The following PRELID2 variants were observed in gnomAD, a reference collection of about 807,000 sequenced individuals.
PRELID2 encodes the protein PRELI domain-containing protein 2.
PRELID2 carries 25 observed loss-of-function variants against 28.4 expected under a neutral mutation model. The ratio of observed to expected loss-of-function variants is 0.88; its 90% CI spans 0.64 to 1.23. PRELID2 has a LOEUF of 1.23. Ranked by LOEUF, PRELID2 falls within the 50% of genes most tolerant of loss-of-function variation. The pLI is 0.00. For missense variants in PRELID2, 201 were observed against 214.4 expected (o/e 0.94, Z 0.39); for synonymous variants, 76 against 71.6 (o/e 1.06, Z -0.31).
intron 1 of PRELID2, among the ~76,000 whole-genome samples, chr5:145,724,602 T>C (rs1756082305): frequency 3.6e-5 from 1 of 27,810 alleles, no homozygotes; most frequent in Non-Finnish European, 5.7e-5. Context: ...AGTAAATAAA[T>C]ATATATATAT....
intron 1 of PRELID2, among the ~76,000 whole-genome samples, chr5:145,740,415 G>C (rs1368749601): frequency 7.2e-6 from 1 of 138,188 alleles, no homozygotes; most frequent in Non-Finnish European, 1.6e-5. Context: ...ATCATTATAG[G>C]TGGTGACTAC....
chr5:145,675,959 G>T (rs918478230), intron 1 of PRELID2, among the ~76,000 whole-genome samples: 2 of 152,184 alleles, frequency 1.3e-5, no homozygotes, highest in African/African-American at 4.8e-5. Context: ...AGTGGCTCAC[G>T]CCTGTAATCC....
At chr5:145,639,409 T>C (rs1030325797) in intron 1 of PRELID2, among the ~76,000 whole-genome samples, 2 of 152,192 alleles carry the variant, frequency 1.3e-5, no homozygotes, top group East Asian at 3.8e-4. Context: ...GTAGAATGCA[T>C]TGTTTTTGCC....
chr5:145,418,975 T>A, the PRELID2 span, among the ~76,000 whole-genome samples: 2 of 149,884 alleles, frequency 1.3e-5, no homozygotes, highest in African/African-American at 5.0e-5. Context: ...TGAGAATATG[T>A]GGTGTTTGGT....
intron 1 of PRELID2, among the ~76,000 whole-genome samples, chr5:145,520,691 G>A (rs1752556477): frequency 2.0e-5 from 3 of 152,032 alleles, no homozygotes; most frequent in Non-Finnish European, 2.9e-5. Context: ...TCCTATAAAT[G>A]TGTCGTAATT....
chr5:145,241,672 A>G, the PRELID2 span, among the ~76,000 whole-genome samples: 6 of 152,062 alleles, frequency 3.9e-5, no homozygotes, highest in Non-Finnish European at 5.9e-5. Flanking sequence ...TGGGTCATTT[A>G]TCTATCTAGA....
At chr5:145,503,174 C>T (rs540767206) in intron 1 of PRELID2, among the ~76,000 whole-genome samples, 2 of 152,226 alleles carry the variant, frequency 1.3e-5, no homozygotes, top group Admixed American at 1.3e-4. Context: ...CTCCCATCCC[C>T]TAGGGTCTGA....
intron 1 of PRELID2, among the ~76,000 whole-genome samples, chr5:145,507,346 GA>G (rs960680154): frequency 4.6e-5 from 7 of 152,192 alleles, no homozygotes; most frequent in South Asian, 2.1e-4. Flanking sequence ...AAATGGGGGG[GA>G]AAAACTGCAG....
At chr5:145,774,319 T>G (rs1378921559) in intron 5 of PRELID2, among the ~76,000 whole-genome samples, 3 of 152,202 alleles carry the variant, frequency 2.0e-5, no homozygotes, top group Admixed American at 2.0e-4. Flanking sequence ...TTTCTCCACC[T>G]CATTCCACAA....
At chr5:145,551,947 T>C (rs371151070) in intron 1 of PRELID2, among the ~76,000 whole-genome samples, 37 of 151,990 alleles carry the variant, frequency 2.4e-4, no homozygotes, top group African/African-American at 8.5e-4. Flanking sequence ...AACCTCATTC[T>C]CCTCCCGCCT....
chr5:145,756,039 G>T (rs1757247770), downstream of PRELID2, among the ~76,000 whole-genome samples: 1 of 152,156 alleles, frequency 6.6e-6, no homozygotes, highest in Non-Finnish European at 1.5e-5. Flanking sequence ...TCACCCTTTG[G>T]AAACACCTGG....
At chr5:145,657,541 C>T (rs545332675) in intron 1 of PRELID2, among the ~76,000 whole-genome samples, 5 of 152,152 alleles carry the variant, frequency 3.3e-5, no homozygotes, top group South Asian at 2.1e-4. Flanking sequence ...AAAAATTAGC[C>T]GGGCGTGGTG....
chr5:145,709,117 T>A (rs1755622220), intron 1 of PRELID2, among the ~76,000 whole-genome samples: 3 of 152,180 alleles, frequency 2.0e-5, no homozygotes, highest in South Asian at 2.1e-4. Context: ...GGGCAAGACC[T>A]ACAGTTGCTA....
the PRELID2 span, among the ~76,000 whole-genome samples, chr5:145,391,577 C>T: frequency 3.3e-5 from 5 of 152,136 alleles, no homozygotes; most frequent in African/African-American, 9.7e-5. Context: ...AGGTCTCTGA[C>T]ATGCCCTGGA....
At chr5:145,468,121 G>T (rs1265526711), downstream of PRELID2, among the ~76,000 whole-genome samples, 2 of 152,048 alleles carry the variant, frequency 1.3e-5, no homozygotes, top group African/African-American at 4.8e-5. Flanking sequence ...CTGTGTCCAA[G>T]TGTTCTCATT....
intron 1 of PRELID2, among the ~76,000 whole-genome samples, chr5:145,583,740 G>A (rs1394163419): frequency 6.6e-6 from 1 of 152,092 alleles, no homozygotes; most frequent in Non-Finnish European, 1.5e-5. Context: ...CAAGAGAAAT[G>A]AAGGATCTCT....
intron 1 of PRELID2, among the ~76,000 whole-genome samples, chr5:145,574,905 A>T (rs750163381): frequency 1.3e-5 from 2 of 152,248 alleles, no homozygotes; most frequent in Non-Finnish European, 2.9e-5. Flanking sequence ...AAAGATGTGT[A>T]CATGTTCAGC....
chr5:145,513,442 A>G (rs1043799375), intron 1 of PRELID2, among the ~76,000 whole-genome samples: 8 of 152,044 alleles, frequency 5.3e-5, no homozygotes, highest in African/African-American at 1.7e-4. Context: ...TAGAGAAAAA[A>G]GAATGAAAAT....
chr5:145,575,214 C>T (rs745580889), intron 1 of PRELID2, among the ~76,000 whole-genome samples: 4 of 152,088 alleles, frequency 2.6e-5, no homozygotes, highest in African/African-American at 9.7e-5. Flanking sequence ...ATGTCTTGAA[C>T]CCCTACACTT....
Sources: allele counts gnomAD v4.1 joint callset (sites outside exome capture counted in the v4.1 genomes callset), GRCh38; gene constraint gnomAD v4.1.1; transcripts MANE v1.5; gene names NCBI Gene and HGNC (gene_info 2026-07-23, HGNC 2026-07-21).